ITGA8: variants seen among roughly 807,000 people sequenced by gnomAD.
ITGA8 encodes the protein integrin alpha-8.
In ITGA8, 91 loss-of-function variants were observed where a neutral mutation model predicts 142.3. The observed-to-expected ratio is 0.64, with a 90% CI of 0.54 to 0.76. The LOEUF is 0.76. Among genes scored for constraint, ITGA8 ranks in the 30% least tolerant of loss-of-function variants. ITGA8 has a pLI of 0.00. For synonymous variants in ITGA8, 505 were observed against 485.2 expected, an observed-to-expected ratio of 1.04 and a Z score of -0.54; for missense variants, 1,406 against 1,327.7, an observed-to-expected ratio of 1.06 and a Z score of -0.92.
chr10:15,558,370 G>A (rs543077714), intron 25 of ITGA8, among the ~76,000 whole-genome samples, 168 bp from the exon 26 acceptor site: 1 of 152,268 alleles, frequency 6.6e-6, no homozygotes, highest in East Asian at 1.9e-4. Context: ...TGACCTGCAC[G>A]CACAAGGAAC....
chr10:15,582,922 A>G (rs1372492971), intron 23 of ITGA8, among the ~76,000 whole-genome samples: 1 of 152,258 alleles, frequency 6.6e-6, no homozygotes, highest in African/African-American at 2.4e-5. Flanking sequence ...TCCATTTGTG[A>G]AAACAAATGT....
intron 4 of ITGA8, among the ~76,000 whole-genome samples, chr10:15,679,554 C>T (rs1438663671): frequency 6.6e-6 from 1 of 152,116 alleles, no homozygotes; most frequent in African/African-American, 2.4e-5. Context: ...TGCACTCCAG[C>T]CTGGGTGACA....
intron 8 of ITGA8, among the ~76,000 whole-genome samples, chr10:15,662,606 T>C (rs1439804455): frequency 1.2e-4 from 18 of 152,130 alleles, no homozygotes; most frequent in Non-Finnish European, 2.5e-4. Context: ...CCTAGAGTGC[T>C]GGGATTACAG....
At chr10:15,532,488 C>T (rs1009397102) in intron 27 of ITGA8, among the ~76,000 whole-genome samples, 5 of 148,486 alleles carry the variant, frequency 3.4e-5, no homozygotes, top group Non-Finnish European at 7.4e-5. Context: ...AACAAAATCA[C>T]CCCAGTTAAG....
At chr10:15,594,513 G>A (rs1419801321) in intron 21 of ITGA8, among the ~76,000 whole-genome samples, 1 of 151,998 alleles carries the variant, frequency 6.6e-6, no homozygotes, top group Non-Finnish European at 1.5e-5. Flanking sequence ...TGGGCGTGAG[G>A]GTGGCTCACA....
chr10:15,581,059 G>A (rs539711721), intron 23 of ITGA8, among the ~76,000 whole-genome samples: 11 of 152,338 alleles, frequency 7.2e-5, no homozygotes, highest in South Asian at 4.1e-4. Flanking sequence ...TGCCTGATAG[G>A]AATATCTTTG....
At chr10:15,543,931 T>C (rs752001884) in intron 27 of ITGA8, among the ~76,000 whole-genome samples, 14 of 151,328 alleles carry the variant, frequency 9.3e-5, no homozygotes, top group Non-Finnish European at 1.6e-4. Context: ...GGAAAGGTGA[T>C]GGGAGATGGA....
intron 25 of ITGA8, among the ~76,000 whole-genome samples, chr10:15,566,218 C>T (rs1419369827): frequency 6.6e-6 from 1 of 152,116 alleles, no homozygotes; most frequent in Non-Finnish European, 1.5e-5. Context: ...TGGGACTGGT[C>T]TGGTTCAGGA....
chr10:15,637,380 A>G (rs1259331292), intron 13 of ITGA8, among the ~76,000 whole-genome samples: 1 of 152,204 alleles, frequency 6.6e-6, no homozygotes, highest in Non-Finnish European at 1.5e-5. Flanking sequence ...CAGCCCCATC[A>G]TACCAGATAA....
chr10:15,696,191 C>T lies in ITGA8; in HGVS notation c.344-8153G>A, dbSNP rs146415409. Among the ~76,000 whole-genome samples the T allele has an allele frequency of 1.5e-3, 230 of 152,254 alleles. 1 individual carries two copies. Among genetic ancestry groups the T allele is most frequent in the African/African-American group, 5.2e-3 (216 of 41,524 alleles). Reference sequence around the variant, plus strand: ...CAGAACGCAAAAGGACCAGTGGTTCCGGGAGAGGATGGAGCCCGTTAGTTA... The same window carrying T: ...CAGAACGCAAAAGGACCAGTGGTTCTGGGAGAGGATGGAGCCCGTTAGTTA... On this transcript the variant is annotated intron_variant, in intron 2 of 29. Coordinates refer to ENST00000378076, the MANE Select transcript of ITGA8 (RefSeq NM_003638.3).
intron 8 of ITGA8, among the ~76,000 whole-genome samples, chr10:15,664,047 A>G (rs1189975573): frequency 2.6e-5 from 4 of 152,172 alleles, no homozygotes; most frequent in Non-Finnish European, 5.9e-5. Context: ...CACTTTTTAG[A>G]TATCAGGCCT....
intron 2 of ITGA8, among the ~76,000 whole-genome samples, chr10:15,707,997 C>CACACACACACA: frequency 2.0e-5 from 3 of 147,664 alleles, no homozygotes; most frequent in Non-Finnish European, 3.0e-5. Context: ...CACACACACA[C>CACACACACACA]CATTCTCTGT....
intron 21 of ITGA8, chr10:15,596,676 C>T (rs2131600711): frequency 1.3e-5 from 2 of 153,224 alleles, no homozygotes; most frequent in Admixed American, 1.3e-4. Context: ...TTCAAATGCT[C>T]AAGCAAAAGT....
chr10:15,718,928 T>C, intron 1 of ITGA8, 29 bp from the exon 2 acceptor site: 1 of 1,613,474 alleles, frequency 6.2e-7, no homozygotes, highest in Non-Finnish European at 8.5e-7. Flanking sequence ...AAGTCACTCT[T>C]TGGGCGCCAC....
At chr10:15,605,671 A>G in intron 19 of ITGA8, 53 bp downstream of exon 19, 3 of 1,412,576 alleles carry the variant, frequency 2.1e-6, no homozygotes, top group Non-Finnish European at 3.0e-6. Context: ...CCTTTACATA[A>G]ATACCTGTAA....
intron 8 of ITGA8, among the ~76,000 whole-genome samples, chr10:15,664,751 G>T (rs955929000): frequency 6.8e-5 from 10 of 146,276 alleles, no homozygotes; most frequent in African/African-American, 2.5e-4. Flanking sequence ...CCACCTATGA[G>T]TGAGAACATG....
intron 2 of ITGA8, among the ~76,000 whole-genome samples, chr10:15,716,289 A>C (rs1225521317): frequency 2.0e-5 from 3 of 152,258 alleles, no homozygotes; most frequent in Admixed American, 2.0e-4. Context: ...TAGTAGGATT[A>C]GTGCATTCAT....
intron 26 of ITGA8, among the ~76,000 whole-genome samples, chr10:15,556,705 A>C (rs1052396626): frequency 3.9e-5 from 6 of 152,212 alleles, no homozygotes; most frequent in Admixed American, 2.6e-4. Flanking sequence ...TTGCATTACA[A>C]AATGTTCCAA....
chr10:15,577,955 A>C (rs1311403377), intron 23 of ITGA8, among the ~76,000 whole-genome samples: 1 of 152,138 alleles, frequency 6.6e-6, no homozygotes, highest in Non-Finnish European at 1.5e-5. Flanking sequence ...GTTTTTTTAA[A>C]ATTAAACCTT....
Sources: allele counts gnomAD v4.1 joint callset (sites outside exome capture counted in the v4.1 genomes callset), GRCh38; gene constraint gnomAD v4.1.1; transcripts MANE v1.5; gene names NCBI Gene and HGNC (gene_info 2026-07-23, HGNC 2026-07-21).